The following GALNTL6 variants were observed in gnomAD, a reference collection of about 807,000 sequenced individuals.
GALNTL6 encodes polypeptide N-acetylgalactosaminyltransferase-like 6.
A neutral mutation model predicts 73.7 loss-of-function variants in GALNTL6; 46 were observed. The observed-to-expected ratio is 0.62, with a 90% CI of 0.49 to 0.80. The LOEUF (loss-of-function observed/expected upper bound fraction) is 0.80, where lower values mean the gene tolerates loss of function less well. Among genes scored for constraint, GALNTL6 ranks in the 30% least tolerant of loss-of-function variants. The pLI is 0.00. For missense variants in GALNTL6, 604 were observed against 755.0 expected (o/e 0.80, Z 2.34); for synonymous variants, 259 against 263.7 (o/e 0.98, Z 0.17).
chr4:171,898,232 G>T lies in GALNTL6; in HGVS notation c.138+83514G>T, dbSNP rs565643981. Among the ~76,000 whole-genome samples the T allele has an allele frequency of 5.9e-5, 9 of 152,136 alleles. No individual in the cohort carries two copies. In the South Asian group the frequency reaches 1.9e-3, roughly 32 times the overall value. ...CTTATAATACCAAGTGCTGGAGAAG[G>T]TATGGAGGAAATGTATTCTCATACA... On this transcript the variant is annotated intron_variant, in intron 2 of 12. Transcript: ENST00000506823.
At chr4:172,021,342 A>T (rs2110801121) in intron 2 of GALNTL6, among the ~76,000 whole-genome samples, 1 of 152,212 alleles carries the variant, frequency 6.6e-6, no homozygotes, top group African/African-American at 2.4e-5. Context: ...AAATGAAATT[A>T]TCCTTGTTTG....
At chr4:172,299,029 T>A (rs1455493257) in intron 3 of GALNTL6, among the ~76,000 whole-genome samples, 1 of 152,230 alleles carries the variant, frequency 6.6e-6, no homozygotes, top group Non-Finnish European at 1.5e-5. Flanking sequence ...CTATTAATTA[T>A]TGCCTCAATT....
intron 7 of GALNTL6, among the ~76,000 whole-genome samples, chr4:172,837,659 T>C (rs1742983127): frequency 1.3e-5 from 2 of 152,170 alleles, no homozygotes; most frequent in Non-Finnish European, 2.9e-5. Context: ...TTACAGCCAA[T>C]AAAAAGGAGT....
At chr4:173,033,884 C>T (rs149356407) in intron 12 of GALNTL6, among the ~76,000 whole-genome samples, 4 of 152,234 alleles carry the variant, frequency 2.6e-5, no homozygotes, top group African/African-American at 9.6e-5. Flanking sequence ...GGGGGTAACT[C>T]GAGTCTCCCA....
intron 2 of GALNTL6, among the ~76,000 whole-genome samples, chr4:171,928,260 C>T (rs1415189833): frequency 6.6e-6 from 1 of 152,112 alleles, no homozygotes. Flanking sequence ...CTCATGACAA[C>T]AATATAGTCA....
chr4:171,968,006 G>T (rs1327751583), intron 2 of GALNTL6, among the ~76,000 whole-genome samples: 1 of 152,050 alleles, frequency 6.6e-6, no homozygotes, highest in Non-Finnish European at 1.5e-5. Flanking sequence ...ATTCCTTCCA[G>T]GAGAAAGAGC....
intron 2 of GALNTL6, among the ~76,000 whole-genome samples, chr4:171,938,079 TGTTTAG>T (rs1481666850): frequency 6.6e-6 from 1 of 152,184 alleles, no homozygotes; most frequent in Non-Finnish European, 1.5e-5. Context: ...ACACCAAAGA[TGTTTAG>T]GAACAGTTGG....
At chr4:172,683,708 G>A (rs1732761228) in intron 5 of GALNTL6, among the ~76,000 whole-genome samples, 1 of 152,170 alleles carries the variant, frequency 6.6e-6, no homozygotes, top group Non-Finnish European at 1.5e-5. Context: ...GTAGAATCTA[G>A]TTAACTTCTA....
intron 8 of GALNTL6, among the ~76,000 whole-genome samples, chr4:172,921,513 A>G (rs1270845380): frequency 6.6e-6 from 1 of 152,194 alleles, no homozygotes; most frequent in Non-Finnish European, 1.5e-5. Context: ...AAAAAATGCC[A>G]GGCCAGGCAC....
chr4:172,844,657 A>C (rs1743394071), intron 7 of GALNTL6, among the ~76,000 whole-genome samples: 1 of 152,162 alleles, frequency 6.6e-6, no homozygotes, highest in Non-Finnish European at 1.5e-5. Flanking sequence ...AGTGTGTTAG[A>C]ATTAACATTC....
intron 5 of GALNTL6, among the ~76,000 whole-genome samples, chr4:172,522,879 C>T (rs1057490792): frequency 6.6e-6 from 1 of 152,060 alleles, no homozygotes; most frequent in African/African-American, 2.4e-5. Flanking sequence ...TAATTTATTA[C>T]AAACCAAATG....
chr4:171,850,208 G>A (rs1287360383), intron 2 of GALNTL6, among the ~76,000 whole-genome samples: 1 of 152,150 alleles, frequency 6.6e-6, no homozygotes, highest in East Asian at 1.9e-4. Flanking sequence ...CTGACCTCAA[G>A]TGATCTGCCC....
intron 2 of GALNTL6, among the ~76,000 whole-genome samples, chr4:172,034,927 T>A (rs1741888350): frequency 6.6e-6 from 1 of 152,152 alleles, no homozygotes; most frequent in Admixed American, 6.6e-5. Flanking sequence ...GAAGAATTGA[T>A]GCAAAATATA....
At chr4:172,328,003 G>GT (rs1166105681) in intron 4 of GALNTL6, among the ~76,000 whole-genome samples, 1 of 152,022 alleles carries the variant, frequency 6.6e-6, no homozygotes, top group African/African-American at 2.4e-5. Context: ...TGATGTGTGT[G>GT]TTTTTTTATT....
At chr4:172,604,890 A>G (rs1222424801) in intron 5 of GALNTL6, among the ~76,000 whole-genome samples, 2 of 152,192 alleles carry the variant, frequency 1.3e-5, no homozygotes, top group Non-Finnish European at 2.9e-5. Flanking sequence ...ATTTCTGAGA[A>G]GCAAACAGAT....
chr4:172,596,776 A>G (rs1413140929), intron 5 of GALNTL6, among the ~76,000 whole-genome samples: 1 of 152,210 alleles, frequency 6.6e-6, no homozygotes, highest in Non-Finnish European at 1.5e-5. Context: ...ATACACATAT[A>G]TACATGTATA....
At chr4:171,975,671 A>T (rs1739699877) in intron 2 of GALNTL6, among the ~76,000 whole-genome samples, 1 of 152,208 alleles carries the variant, frequency 6.6e-6, no homozygotes, top group Non-Finnish European at 1.5e-5. Context: ...CAAGCATTTG[A>T]AAATCAGTGA....
intron 2 of GALNTL6, among the ~76,000 whole-genome samples, chr4:172,048,207 C>T (rs572096579): frequency 6.6e-6 from 1 of 152,160 alleles, no homozygotes; most frequent in South Asian, 2.1e-4. Context: ...CTGACTACTG[C>T]CTCAGAACAA....
At chr4:172,020,007 T>C (rs1741346442) in intron 2 of GALNTL6, among the ~76,000 whole-genome samples, 2 of 152,070 alleles carry the variant, frequency 1.3e-5, no homozygotes. Flanking sequence ...AAATCAATAA[T>C]AGGAATTTTG....
Sources: gnomAD v4.1 joint callset for allele counts (sites outside exome capture counted in the v4.1 genomes callset) on GRCh38, gnomAD v4.1.1 for gene constraint, MANE v1.5 for transcripts, NCBI Gene and HGNC (gene_info 2026-07-23, HGNC 2026-07-21) for gene names.